R3HCC1: variants seen among roughly 807,000 people sequenced by gnomAD.
R3HCC1 encodes the protein R3H and coiled-coil domain-containing protein 1.
In R3HCC1, 32 loss-of-function variants were observed where a neutral mutation model predicts 40.0. That is an observed-to-expected ratio of 0.80 (90% CI 0.60 to 1.07). The LOEUF is 1.07. Among genes scored for constraint, R3HCC1 ranks in the 50% least tolerant of loss-of-function variants. The pLI, the probability that R3HCC1 is intolerant of heterozygous loss-of-function variation, is 0.00. For missense variants in R3HCC1, 586 were observed against 563.3 expected (o/e 1.04, Z -0.41); for synonymous variants, 237 against 232.8 (o/e 1.02, Z -0.17).
rs1350117870 is a variant in R3HCC1, at chr8:23,290,451, C to T, written c.834C>T (p.Tyr278=). 3.8e-5 allele frequency: 59 copies of T among 1,550,084 alleles called. No homozygotes were observed. The highest frequency in any genetic ancestry group is 4.7e-5 in the Non-Finnish European group (54 of 1,146,306). Reference sequence around the variant, plus strand: ...CCAGCAGCTGCTCGGAGGACGATTACAGTGAGCTGCTGCAGGAGGTGATGA... The same window carrying T: ...CCAGCAGCTGCTCGGAGGACGATTATAGTGAGCTGCTGCAGGAGGTGATGA... The change falls in exon 4 of 8, where the codon TAC becomes TAT. Residue 278 remains tyrosine (Y), a synonymous_variant. Coordinates refer to ENST00000265806, the MANE Select transcript of R3HCC1 (RefSeq NM_001136108.3).
chr8:23,291,671 C>G (rs948386604), intron 5 of R3HCC1, 138 bp downstream of exon 5: 7 of 1,380,742 alleles, frequency 5.1e-6, no homozygotes, highest in South Asian at 2.9e-5. Context: ...TGCCTGGGCT[C>G]TGTATTCCTG....
chr8:23,289,027 TC>T lies in R3HCC1; in HGVS notation c.128del (p.Pro43HisfsTer9), dbSNP rs745535522. On this transcript the variant is annotated frameshift_variant, in exon 3 of 8. Coordinates refer to ENST00000265806, the MANE Select transcript of R3HCC1 (RefSeq NM_001136108.3). LOFTEE classifies it high-confidence loss of function. The stretch of plus-strand genomic sequence containing the variant: ...CCCTCCCTCCCCAGGGTTCTTCTTT[TC>T]CCCCCACTCTCCAGTCGCCTCCGGT... The T allele has an allele frequency of 6.5e-7, 1 of 1,536,390 alleles. No individual in the cohort carries two copies. The highest frequency in any genetic ancestry group is 1.2e-5 in the South Asian group (1 of 84,042).
chr8:23,291,291 G>A (rs1802860459), intron 4 of R3HCC1, 70 bp from the exon 5 acceptor site: 1 of 1,503,312 alleles, frequency 6.7e-7, no homozygotes, highest in African/African-American at 1.4e-5. Context: ...AGAGCTCTCA[G>A]CGCGTGGGCT....
chr8:23,288,237 G>T, intron 1 of R3HCC1, 80 bp downstream of exon 1: 1 of 1,190,536 alleles, frequency 8.4e-7, no homozygotes. Flanking sequence ...GCTGCGCGGA[G>T]CAGGCCCCCG....
rs549974723 is a variant in R3HCC1, at chr8:23,288,174, T to TGG, written c.-19+23_-19+24dup. The TGG allele has an allele frequency of 8.3e-7, 1 of 1,211,236 alleles. No homozygotes were observed. The highest frequency in any genetic ancestry group is 1.0e-6 in the Non-Finnish European group (1 of 957,074). 75.0% of individuals were successfully genotyped at this position (1,211,236 alleles called of 1,614,324 possible). A position where few individuals can be genotyped will look rare whatever the true frequency, so the allele number is the denominator to read the frequency against. ...GAGGCCGCGGTGAGTGCAGCAGCAC[T>TGG]GGGGGGGTGGTCGTCCCGACCCCCG... On this transcript the variant is annotated intron_variant, in intron 1 of 7. Coordinates refer to ENST00000265806, the MANE Select transcript of R3HCC1 (RefSeq NM_001136108.3).
At chr8:23,293,536 G>A (rs928392996) in intron 6 of R3HCC1, among the ~76,000 whole-genome samples, 163 bp downstream of exon 6, 11 of 152,126 alleles carry the variant, frequency 7.2e-5, no homozygotes, top group Non-Finnish European at 1.0e-4. Flanking sequence ...GAGCTGAGCG[G>A]TCTCTGGCCC....
At position 23,295,948 on chromosome 8, in the gene R3HCC1, T is replaced by A. The variant is rs1803004936; in HGVS notation, c.1193-19T>A. On this transcript the variant is annotated intron_variant, in intron 7 of 7. Transcript: ENST00000265806. ...CACGACCTTGTGTTTAGGTCCCCACTGTGGGGCTTTCCTTCTAGAACTCCT... is the reference window on the plus strand; with the variant it reads ...CACGACCTTGTGTTTAGGTCCCCACAGTGGGGCTTTCCTTCTAGAACTCCT... The A allele has an allele frequency of 7.1e-6, 11 of 1,544,990 alleles. No individual in the cohort carries two copies. Among genetic ancestry groups the A allele is most frequent in the Non-Finnish European group, 7.0e-6 (8 of 1,143,522 alleles).
chr8:23,296,259 A>ACTC lies in R3HCC1; in HGVS notation c.*163_*165dup. ...TCCCAGAAATGGAGAAAAAATAAAA[A>ACTC]CTCACGTTGTTCTAATGTGATCACT... On this transcript the variant is annotated 3_prime_UTR_variant, in exon 8 of 8. Coordinates refer to ENST00000265806, the MANE Select transcript of R3HCC1 (RefSeq NM_001136108.3). The ACTC allele has an allele frequency of 1.2e-6, 1 of 855,604 alleles. No individual in the cohort carries two copies. Among genetic ancestry groups the ACTC allele is most frequent in the Non-Finnish European group, 1.7e-6 (1 of 588,874 alleles). The allele number at this position is 855,604 out of a possible 1,614,324, so 53.0% of individuals were successfully genotyped here. A position where few individuals can be genotyped will look rare whatever the true frequency, so the allele number is the denominator to read the frequency against.
intron 4 of R3HCC1, among the ~76,000 whole-genome samples, chr8:23,290,719 T>C (rs933461986): frequency 5.3e-5 from 8 of 152,180 alleles, no homozygotes; most frequent in Non-Finnish European, 1.0e-4. Context: ...AGTTTCCTCA[T>C]CTGAAACTAA....
intron 6 of R3HCC1, among the ~76,000 whole-genome samples, 184 bp downstream of exon 6, chr8:23,293,557 G>A (rs796890073): frequency 5.9e-5 from 9 of 152,244 alleles, no homozygotes; most frequent in African/African-American, 2.2e-4. Flanking sequence ...ATAGTAATGC[G>A]CCTTAATGAA....
Position 23,290,184 on chromosome 8 carries a change from T to C in R3HCC1, c.567T>C (p.Thr189=). ...ATCAGGGACTCCCTGTGCTGATGAC[T>C]CAGGGAACAGAGGACCTAAAGGGCC... The change falls in exon 4 of 8, where the codon ACT becomes ACC. Residue 189 remains threonine (T), a synonymous_variant. Transcript: ENST00000265806. 6.4e-7 allele frequency: 1 copy of C among 1,551,638 alleles called. No individual in the cohort carries two copies. Among genetic ancestry groups the C allele is most frequent in the Non-Finnish European group, 8.7e-7 (1 of 1,146,960 alleles).
intron 3 of R3HCC1, 81 bp downstream of exon 3, chr8:23,289,234 G>A: frequency 6.8e-7 from 1 of 1,460,352 alleles, no homozygotes; most frequent in Non-Finnish European, 9.2e-7. Flanking sequence ...GGAAGGGCAG[G>A]GCTGGGGGGA....
At chr8:23,292,714 G>A (rs1175389192) in intron 5 of R3HCC1, among the ~76,000 whole-genome samples, 1 of 152,252 alleles carries the variant, frequency 6.6e-6, no homozygotes, top group Non-Finnish European at 1.5e-5. Context: ...CTGAGCAGGA[G>A]AGCCGAAGGG....
At chr8:23,288,251 GC>G in intron 1 of R3HCC1, 94 bp downstream of exon 1, 1 of 1,169,198 alleles carries the variant, frequency 8.6e-7, no homozygotes, top group Non-Finnish European at 1.1e-6. Context: ...GCCCCCGTGA[GC>G]CCCGGGAAGG....
chr8:23,288,423 C>T lies in R3HCC1; in HGVS notation c.-18-83C>T, dbSNP rs1802787226. The stretch of plus-strand genomic sequence containing the variant: ...GCCTTGGACCAGAGGGTTTCTAAGG[C>T]CCTTTCGGTGCCGGCGTTGCGGGGT... On this transcript the variant is annotated intron_variant, in intron 1 of 7. Coordinates refer to ENST00000265806, the MANE Select transcript of R3HCC1 (RefSeq NM_001136108.3). The T allele has an allele frequency of 5.3e-6, 8 of 1,505,276 alleles. No homozygotes were observed. The Admixed American group carries it at 7.9e-5, about 15-fold the overall frequency. The allele number at this position is 1,505,276 out of a possible 1,614,324, so 93.2% of individuals were successfully genotyped here.
chr8:23,296,234 T>C lies in R3HCC1; in HGVS notation c.*137T>C. ...TGGGGTGTGGTGGGCTTTAGTTTAG[T>C]CCCAGAAATGGAGAAAAAATAAAAA... On this transcript the variant is annotated 3_prime_UTR_variant, in exon 8 of 8. Coordinates refer to ENST00000265806, the MANE Select transcript of R3HCC1 (RefSeq NM_001136108.3). 9.6e-7 allele frequency: 1 copy of C among 1,040,582 alleles called. No homozygotes were observed. Among genetic ancestry groups the C allele is most frequent in the Non-Finnish European group, 1.3e-6 (1 of 752,558 alleles). The allele number at this position is 1,040,582 out of a possible 1,614,324, so 64.5% of individuals were successfully genotyped here.
At chr8:23,289,258 C>T (rs1202001283) in intron 3 of R3HCC1, 105 bp downstream of exon 3, 5 of 1,284,492 alleles carry the variant, frequency 3.9e-6, no homozygotes, top group South Asian at 2.9e-5. Context: ...AGGGCTGGGA[C>T]CCCCGGCTGC....
In R3HCC1 at chr8:23,296,015, C is replaced by T; in HGVS notation, c.1241C>T (p.Ala414Val). The T allele has an allele frequency of 6.4e-7, 1 of 1,550,898 alleles. No homozygotes were observed. Among genetic ancestry groups the T allele is most frequent in the Admixed American group, 2.0e-5 (1 of 50,994 alleles). The change falls in exon 8 of 8, where the codon GCC (alanine) becomes GTC (valine). Residue 414 changes from alanine (A) to valine (V), a missense_variant. Ala to Val is a moderately conservative substitution (Grantham distance 64). Transcript: ENST00000265806. Reference sequence around the variant, plus strand: ...AGGCCACAGACAAATGCGACTGTGGCCCGGCGGCTGGTGGCCCGGGCCCTG... The same window carrying T: ...AGGCCACAGACAAATGCGACTGTGGTCCGGCGGCTGGTGGCCCGGGCCCTG...
chr8:23,292,167 G>T (rs192141909), intron 5 of R3HCC1, among the ~76,000 whole-genome samples: 1 of 148,296 alleles, frequency 6.7e-6, no homozygotes, highest in African/African-American at 2.5e-5. Flanking sequence ...TTGCTCTTTT[G>T]TCCAGGCAGG....
Sources: gnomAD v4.1 joint callset for allele counts (sites outside exome capture counted in the v4.1 genomes callset) on GRCh38, gnomAD v4.1.1 for gene constraint, MANE v1.5 for transcripts, NCBI Gene and HGNC (gene_info 2026-07-23, HGNC 2026-07-21) for gene names.